Variants in SYNJ2 observed in about 807,000 individuals in gnomAD.
The protein encoded by SYNJ2 is synaptojanin 2, also known as polyphosphatidylinositol phosphatase SYNJ2.
Under a neutral mutation model 141.3 loss-of-function variants are expected in SYNJ2, and 116 were observed. The ratio of observed to expected loss-of-function variants is 0.82; its 90% CI spans 0.71 to 0.96. The LOEUF (loss-of-function observed/expected upper bound fraction) is 0.96, where lower values mean the gene tolerates loss of function less well. Among genes scored for constraint, SYNJ2 ranks in the 40% least tolerant of loss-of-function variants. The probability of loss-of-function intolerance (pLI) is 0.00; values close to 1 mark genes in which losing one functional copy is unlikely to be tolerated. For synonymous variants in SYNJ2, 745 were observed against 777.7 expected (o/e 0.96, Z 0.70); for missense variants, 1,873 against 1,934.8 (o/e 0.97, Z 0.60).
At chr6:158,001,653 C>T (rs1282987379) in intron 1 of SYNJ2, 5 of 152,374 alleles carry the variant, frequency 3.3e-5, no homozygotes, top group African/African-American at 7.2e-5. Context: ...CCACCTCGGC[C>T]TCCCAAAGTG....
In SYNJ2 at chr6:158,066,510, G is replaced by A. The variant is rs151101142; in HGVS notation, c.1592G>A (p.Arg531Gln). The A allele has an allele frequency of 4.1e-5, 66 of 1,614,178 alleles. No homozygotes were observed. Among genetic ancestry groups the A allele is most frequent in the East Asian group, 4.0e-4 (18 of 44,882 alleles). ...GAATTCACAAATTTCAAGCGGATCC[G>A]GATTGCTATGGGGACCTGGAACGTG... ...QSEFTNFKRI[R>Q]IAMGTWNVNG... The change falls in exon 12 of 27, where the codon CGG becomes CAG. Residue 531 changes from arginine to glutamine, a missense_variant. Arg to Gln is a conservative substitution (Grantham distance 43). Coordinates refer to ENST00000355585, the MANE Select transcript of SYNJ2 (RefSeq NM_003898.4).
intron 5 of SYNJ2, among the ~76,000 whole-genome samples, chr6:158,049,342 C>T (rs936177259): frequency 6.6e-6 from 1 of 152,134 alleles, no homozygotes; most frequent in Non-Finnish European, 1.5e-5. Flanking sequence ...ACCCAGTGAC[C>T]TCAGGACTAG....
chr6:158,000,169 A>G (rs1212243049), intron 1 of SYNJ2, among the ~76,000 whole-genome samples: 2 of 142,162 alleles, frequency 1.4e-5, no homozygotes, highest in Non-Finnish European at 3.0e-5. Flanking sequence ...TTCCAGATCC[A>G]CGGAATGACG....
rs1777042023 is a variant in SYNJ2 at position 157,982,256 on chromosome 6, G to C, written c.127+168G>C. The stretch of plus-strand genomic sequence containing the variant: ...GGCTGTTTGAATGAAGTGGGGCTGG[G>C]GACTCGAGAGAGCACTCTGGCTGGG... On this transcript the variant is annotated intron_variant, in intron 1 of 26. Coordinates refer to ENST00000355585, the MANE Select transcript of SYNJ2 (RefSeq NM_003898.4). The surrounding 1 kb of genome is among the most constrained non-coding windows in gnomAD (Gnocchi z 4.0). Among the ~76,000 whole-genome samples the C allele has an allele frequency of 6.6e-6, 1 of 152,168 alleles. No homozygotes were observed.
chr6:158,078,262 C>G lies in SYNJ2; in HGVS notation c.2548C>G (p.Leu850Val). 6.2e-7 allele frequency: 1 copy of G among 1,613,454 alleles called. No homozygotes were observed. Among genetic ancestry groups the G allele is most frequent in the Non-Finnish European group, 8.5e-7 (1 of 1,179,424 alleles). The stretch of plus-strand genomic sequence containing the variant: ...CCTGCAGTATTATGGTCGTGCGGAG[C>G]TACAAGCGTCTGATCACAGGTGAGG... ...GALQYYGRAE[L>V]QASDHRPVLA... is the part of the protein sequence containing the mutation. Residue 850 changes from leucine (L) to valine (V), a missense_variant, in exon 18 of 27, where the codon CTA (leucine) becomes GTA (valine). Transcript: ENST00000355585.
rs1781888211 is a variant in SYNJ2 at position 158,071,044 on chromosome 6, GT to G, written c.1941-557del. Among the ~76,000 whole-genome samples the G allele has an allele frequency of 6.6e-6, 1 of 152,098 alleles. No individual in the cohort carries two copies. ...CTAAAAATACAAAAATTAGCCGGGC[GT>G]GATGGTGGGTACCTGTAATCCCAGC... On this transcript the variant is annotated intron_variant, in intron 14 of 26. Coordinates refer to ENST00000355585, the MANE Select transcript of SYNJ2 (RefSeq NM_003898.4). This position sits in a 1 kb window ranked among gnomAD's most constrained non-coding sequence, Gnocchi z 4.3.
Position 158,068,720 on chromosome 6 carries a change from C to T in SYNJ2, c.1791C>T (p.Val597=). 2.5e-6 allele frequency: 4 copies of T among 1,614,010 alleles called. No homozygotes were observed. ...EMVELSAGNI[V]NASTTNKKMW... The stretch of plus-strand genomic sequence containing the variant: ...TGGAATTGAGCGCAGGGAATATTGT[C>T]AATGCCAGGTAAGGGGCCAGGTGTG... The change falls in exon 13 of 27, where the codon GTC becomes GTT. Residue 597 remains valine (V), a synonymous_variant. Transcript: ENST00000355585.
rs530375083 is a variant in SYNJ2 at position 157,984,132 on chromosome 6, G to A, written c.127+2044G>A. Among the ~76,000 whole-genome samples, 9 of 152,286 alleles carry A rather than the reference G, an allele frequency of 5.9e-5. No individual in the cohort carries two copies. In the South Asian group the frequency reaches 1.5e-3, roughly 25 times the overall value. ...ATTACAGGCATGAACTACTTACTGC[G>A]TCTGGCCTGAAAACTTAATTTTTTA... is the stretch of plus-strand genomic sequence containing the variant. On this transcript the variant is annotated intron_variant, in intron 1 of 26. Coordinates refer to ENST00000355585, the MANE Select transcript of SYNJ2 (RefSeq NM_003898.4).
intron 1 of SYNJ2, among the ~76,000 whole-genome samples, chr6:158,009,575 T>C (rs1396560839): frequency 1.3e-5 from 2 of 152,190 alleles, no homozygotes; most frequent in Admixed American, 1.3e-4. Flanking sequence ...GGCCAGAAAT[T>C]CGTGGCCAGC....
rs776950886 is a variant in SYNJ2, at chr6:158,088,662, G to A, written c.3346G>A (p.Gly1116Ser). ...QPPQRPPPPT[G>S]LMVKKSASDA... is the part of the protein sequence containing the mutation. ...TCTGCCCTCGTTGGTTTTTACAGCCGGTTTAATGGTGAAAAAGTCGGCTTC... is the reference window on the plus strand; with the variant it reads ...TCTGCCCTCGTTGGTTTTTACAGCCAGTTTAATGGTGAAAAAGTCGGCTTC... The change falls in exon 24 of 27, where the codon GGT (glycine) becomes AGT (serine). Residue 1116 changes from glycine (G) to serine (S), a missense_variant and splice_region_variant. Coordinates refer to ENST00000355585, the MANE Select transcript of SYNJ2 (RefSeq NM_003898.4). 74 of 1,613,280 alleles carry A rather than the reference G, an allele frequency of 4.6e-5. No homozygotes were observed. The highest frequency in any genetic ancestry group is 3.3e-4 in the Middle Eastern group (2 of 6,052).
At position 158,093,055 on chromosome 6, in the gene SYNJ2, C is replaced by T. The variant is rs780492602; in HGVS notation, c.3695C>T (p.Pro1232Leu). 13 of 1,608,860 alleles carry T rather than the reference C, an allele frequency of 8.1e-6. No individual in the cohort carries two copies. The change falls in exon 26 of 27, where the codon CCA becomes CTA. Residue 1232 changes from proline (P) to leucine (L), a missense_variant. Transcript: ENST00000355585. ...QAPPLLPRRP[P>L]PRVPAIKKPT... ...CCCCCACTCCTTCCCCGTCGGCCCC[C>T]ACCCAGAGTTCCTGCCATCAAGAAG...
rs752201222 is a variant in SYNJ2, at chr6:158,029,030, AGGCCCTGGGTCCCCTGCAGAGGGTG to A, written c.485+16_485+40del. The A allele has an allele frequency of 2.3e-5, 29 of 1,237,700 alleles. No individual in the cohort carries two copies. The highest frequency in any genetic ancestry group is 9.1e-5 in the Admixed American group (4 of 44,142). 76.7% of individuals were successfully genotyped at this position (1,237,700 alleles called of 1,614,324 possible). ...AATGGGGGAACTCCTTCTTCTGGTG[AGGCCCTGGGTCCCCTGCAGAGGGTG>A]GGCCCTGGGTCTCCTGCAGAGGGTG... On this transcript the variant is annotated splice_donor_5th_base_variant and intron_variant, in intron 3 of 26. Coordinates refer to ENST00000355585, the MANE Select transcript of SYNJ2 (RefSeq NM_003898.4).
chr6:157,990,410 C>G (rs1263034034), intron 1 of SYNJ2, among the ~76,000 whole-genome samples: 1 of 152,220 alleles, frequency 6.6e-6, no homozygotes, highest in African/African-American at 2.4e-5. Context: ...AGCCCACACA[C>G]CCCCTGAGGA....
chr6:158,033,305 A>G lies in SYNJ2; in HGVS notation c.486-150A>G, dbSNP rs185013270. On this transcript the variant is annotated intron_variant, in intron 3 of 26. Transcript: ENST00000355585. ...GAACTTCCCAGATCTGTACAGCCCA[A>G]GTGCAGAGTCCACTGGGGAGCAGCA... 613 of 756,114 alleles carry G rather than the reference A, an allele frequency of 8.1e-4. 8 individuals are homozygous for G. The highest frequency in any genetic ancestry group is 6.6e-3 in the East Asian group (242 of 36,892). The allele number at this position is 756,114 out of a possible 1,614,324, so 46.8% of individuals were successfully genotyped here. A position where few individuals can be genotyped will look rare whatever the true frequency, so the allele number is the denominator to read the frequency against.
At position 158,097,924 on chromosome 6, in the gene SYNJ2, G is replaced by A. The variant is rs939949802; in HGVS notation, c.*1560G>A. The A allele has an allele frequency of 6.6e-6, 1 of 151,524 alleles. No individual in the cohort carries two copies. The highest frequency in any genetic ancestry group is 2.4e-5 in the African/African-American group (1 of 41,220). 9.4% of individuals were successfully genotyped at this position (151,524 alleles called of 1,614,324 possible). The stretch of plus-strand genomic sequence containing the variant: ...ACCAGTCATAAAAGGCGGTGTTTAG[G>A]TGATCAGGATGCCGTTGGTGGCATT... On this transcript the variant is annotated 3_prime_UTR_variant, in exon 27 of 27. Coordinates refer to ENST00000355585, the MANE Select transcript of SYNJ2 (RefSeq NM_003898.4).
In SYNJ2 at chr6:158,043,563, C is replaced by T. The variant is rs932549276; in HGVS notation, c.795+164C>T. On this transcript the variant is annotated intron_variant, in intron 5 of 26. Transcript: ENST00000355585. This position sits in a 1 kb window ranked among gnomAD's most constrained non-coding sequence, Gnocchi z 4.0. The stretch of plus-strand genomic sequence containing the variant: ...GAGCTGAGCTATCAAAGTGTGCACA[C>T]GTGTGTGCATATGCATGCGTGCGTG... Among the ~76,000 whole-genome samples, 2 of 152,170 alleles carry T rather than the reference C, an allele frequency of 1.3e-5. No individual in the cohort carries two copies. The highest frequency in any genetic ancestry group is 1.9e-4 in the East Asian group (1 of 5,192).
At chr6:158,077,246 G>A (rs1392212969) in intron 17 of SYNJ2, among the ~76,000 whole-genome samples, 2 of 151,990 alleles carry the variant, frequency 1.3e-5, no homozygotes, top group Admixed American at 6.6e-5. Context: ...TGCCCACCTC[G>A]GCCTCCCAAA....
intron 1 of SYNJ2, among the ~76,000 whole-genome samples, chr6:158,012,257 C>T (rs1008062148): frequency 1.3e-5 from 2 of 152,236 alleles, no homozygotes; most frequent in African/African-American, 4.8e-5. Flanking sequence ...CCACATCCTC[C>T]TTCCCAGGCT....
intron 17 of SYNJ2, chr6:158,077,879 C>T (rs946062502): frequency 8.8e-6 from 2 of 227,512 alleles, no homozygotes; most frequent in African/African-American, 4.5e-5. Context: ...ATTCCTGGGT[C>T]CTGGAAACCC....
Sources: gnomAD v4.1 joint callset for allele counts (sites outside exome capture counted in the v4.1 genomes callset) on GRCh38, gnomAD v4.1.1 for gene constraint, Gnocchi (gnomAD v3.1) non-coding constraint, MANE v1.5 for transcripts, NCBI Gene and HGNC (gene_info 2026-07-23, HGNC 2026-07-21) for gene names.